SS18L1: variants seen among roughly 807,000 people sequenced by gnomAD.
SS18L1 encodes SS18L1 subunit of BAF chromatin remodeling complex.
A neutral mutation model predicts 70.3 loss-of-function variants in SS18L1; 32 were observed. That is an observed-to-expected ratio of 0.46 (90% CI 0.34 to 0.61). The LOEUF is 0.61. Among genes scored for constraint, SS18L1 ranks in the 20% least tolerant of loss-of-function variants. SS18L1 has a pLI of 0.01. For synonymous variants in SS18L1, 237 were observed against 229.7 expected, an observed-to-expected ratio of 1.03 and a Z score of -0.29; for missense variants, 430 against 542.1, an observed-to-expected ratio of 0.79 and a Z score of 2.05.
chr20:62,157,549 T>G (rs2057245861), intron 1 of SS18L1, among the ~76,000 whole-genome samples: 1 of 152,170 alleles, frequency 6.6e-6, no homozygotes, highest in Non-Finnish European at 1.5e-5. Context: ...GCCTCCATTT[T>G]GCCAGTTCTA....
rs1202428861 is a variant in SS18L1 at position 62,165,561 on chromosome 20, C to A, written c.916+47C>A. The A allele has an allele frequency of 1.9e-6, 3 of 1,560,544 alleles. No homozygotes were observed. The South Asian group carries it at 3.4e-5, about 18-fold the overall frequency. On this transcript the variant is annotated intron_variant, in intron 8 of 10. Coordinates refer to ENST00000331758, the MANE Select transcript of SS18L1 (RefSeq NM_198935.3). ...TGGGCTCGAGCGTAAGCGCCACACG[C>A]AGCAGAGTTAAGACGCTGCACCCTT... is the stretch of plus-strand genomic sequence containing the variant.
In SS18L1 at chr20:62,154,916, A is replaced by C. The variant is rs201247792; in HGVS notation, c.70-3756A>C. The stretch of plus-strand genomic sequence containing the variant: ...CGGTCGATCCGTCCTGCTTTCCAGG[A>C]CTCCTCCTCAACTTCATATCCCGCC... On this transcript the variant is annotated intron_variant, in intron 1 of 10. Transcript: ENST00000331758. Among the ~76,000 whole-genome samples the C allele has an allele frequency of 2.0e-5, 3 of 151,118 alleles. No individual in the cohort carries two copies. The East Asian group carries it at 5.8e-4, about 29-fold the overall frequency.
Position 62,161,660 on chromosome 20 carries a change from G to A in SS18L1, c.376+80G>A. The A allele has an allele frequency of 6.5e-7, 1 of 1,531,380 alleles. No individual in the cohort carries two copies. Among genetic ancestry groups the A allele is most frequent in the East Asian group, 2.3e-5 (1 of 42,800 alleles). The allele number at this position is 1,531,380 out of a possible 1,614,324, so 94.9% of individuals were successfully genotyped here. A position where few individuals can be genotyped will look rare whatever the true frequency, so the allele number is the denominator to read the frequency against. On this transcript the variant is annotated intron_variant, in intron 4 of 10. Transcript: ENST00000331758. The surrounding 1 kb of genome is among the most constrained non-coding windows in gnomAD (Gnocchi z 4.4). ...CTTGGGCAGCCGGCTGCCATGGTGG[G>A]GCACCCCACCCCTCACAGGGCTGGG...
chr20:62,154,761 A>G (rs201867355), intron 1 of SS18L1, among the ~76,000 whole-genome samples: 39 of 152,256 alleles, frequency 2.6e-4, no homozygotes, highest in African/African-American at 9.4e-4. Flanking sequence ...CCAATGGGGA[A>G]ATGCGTCCTT....
intron 1 of SS18L1, among the ~76,000 whole-genome samples, chr20:62,147,065 G>C (rs1318846065): frequency 6.6e-6 from 1 of 152,218 alleles, no homozygotes; most frequent in African/African-American, 2.4e-5. Flanking sequence ...TCTGGGTACA[G>C]TTTAGCCCAC....
intron 1 of SS18L1, among the ~76,000 whole-genome samples, chr20:62,156,547 A>G (rs1225938796): frequency 6.6e-6 from 1 of 152,170 alleles, no homozygotes; most frequent in East Asian, 1.9e-4. Flanking sequence ...AGCAGGAGAA[A>G]CCAACCCTGA....
At position 62,159,032 on chromosome 20, in the gene SS18L1, C is replaced by T; in HGVS notation, c.146+284C>T. On this transcript the variant is annotated intron_variant, in intron 2 of 10. Coordinates refer to ENST00000331758, the MANE Select transcript of SS18L1 (RefSeq NM_198935.3). The surrounding 1 kb of genome is among the most constrained non-coding windows in gnomAD (Gnocchi z 4.4). ...GGAGGCCAGATATGTCCCGAGAGTC[C>T]CCCAGCACGGAGGCCAGATATGTCC... 5 of 1,484,174 alleles carry T rather than the reference C, an allele frequency of 3.4e-6. No individual in the cohort carries two copies. In the South Asian group the frequency reaches 5.6e-5, roughly 17 times the overall value. The allele number at this position is 1,484,174 out of a possible 1,614,324, so 91.9% of individuals were successfully genotyped here. A position where few individuals can be genotyped will look rare whatever the true frequency, so the allele number is the denominator to read the frequency against.
intron 1 of SS18L1, among the ~76,000 whole-genome samples, chr20:62,150,633 A>AATTTTTTTTTTTTTTTTTTTTTTT (rs1199902967): frequency 1.7e-5 from 1 of 58,030 alleles, no homozygotes; most frequent in Non-Finnish European, 3.5e-5. Flanking sequence ...ATTGAGGTGG[A>AATTTTTTTTTTTTTTTTTTTTTTT]TTTTTTTTTT....
At chr20:62,172,030 C>T (rs535546586) in intron 8 of SS18L1, among the ~76,000 whole-genome samples, 3 of 152,086 alleles carry the variant, frequency 2.0e-5, no homozygotes, top group Non-Finnish European at 4.4e-5. Context: ...GGCGTTGTGG[C>T]GGGCACCTGT....
At position 62,158,983 on chromosome 20, in the gene SS18L1, T is replaced by C. The variant is rs753286177; in HGVS notation, c.146+235T>C. ...AGAGTCCCCCAGCACGGAGGCCAGA[T>C]ATGTCCCGAGAGTCCCCCAGCACGG... On this transcript the variant is annotated intron_variant, in intron 2 of 10. Coordinates refer to ENST00000331758, the MANE Select transcript of SS18L1 (RefSeq NM_198935.3). This position sits in a 1 kb window ranked among gnomAD's most constrained non-coding sequence, Gnocchi z 4.5. 11 of 1,542,486 alleles carry C rather than the reference T, an allele frequency of 7.1e-6. No homozygotes were observed. Among genetic ancestry groups the C allele is most frequent in the Middle Eastern group, 2.1e-4 (1 of 4,752 alleles).
intron 10 of SS18L1, among the ~76,000 whole-genome samples, chr20:62,178,617 G>A (rs972617449): frequency 6.6e-6 from 1 of 151,910 alleles, no homozygotes; most frequent in African/African-American, 2.4e-5. Context: ...GTGCAATCAC[G>A]GCTCACTGCA....
chr20:62,146,669 G>A (rs1175540187), intron 1 of SS18L1, among the ~76,000 whole-genome samples: 4 of 143,354 alleles, frequency 2.8e-5, no homozygotes, highest in Non-Finnish European at 6.0e-5. Context: ...GAGTGCAGTG[G>A]CGCGATCTCG....
At position 62,146,605 on chromosome 20, in the gene SS18L1, A is replaced by ATTTTTTTTTTTTTTTTTTTTTTTTTTT. The variant is rs10673768; in HGVS notation, c.69+2737_69+2738insTTTTTTTTTTTTTTTTTTTTTTTTTTT. ...CATCCAGCGTGTCTCTGCTTTGATC[A>ATTTTTTTTTTTTTTTTTTTTTTTTTTT]TTTTTTTTTTTTTTTTTTTTTGAGA... On this transcript the variant is annotated intron_variant, in intron 1 of 10. Coordinates refer to ENST00000331758, the MANE Select transcript of SS18L1 (RefSeq NM_198935.3). 5.0e-5 allele frequency among the ~76,000 whole-genome samples: 4 copies of ATTTTTTTTTTTTTTTTTTTTTTTTTTT among 79,722 alleles called. 1 individual carries two copies. The highest frequency in any genetic ancestry group is 1.0e-4 in the African/African-American group (2 of 19,194). The allele number at this position is 79,722 out of a possible 152,430, so 52.3% of individuals were successfully genotyped here. A position where few individuals can be genotyped will look rare whatever the true frequency, so the allele number is the denominator to read the frequency against.
chr20:62,155,651 A>G lies in SS18L1; in HGVS notation c.70-3021A>G, dbSNP rs374393619. Among the ~76,000 whole-genome samples, 6 of 152,070 alleles carry G rather than the reference A, an allele frequency of 3.9e-5. No individual in the cohort carries two copies. The East Asian group carries it at 9.6e-4, about 24-fold the overall frequency. On this transcript the variant is annotated intron_variant, in intron 1 of 10. Transcript: ENST00000331758. Reference sequence around the variant, plus strand: ...CAAGCATCTTTCCTCCAGGCTGGTCACTTTCCTGGAGACGCCCCCTCCTCC... The same window carrying G: ...CAAGCATCTTTCCTCCAGGCTGGTCGCTTTCCTGGAGACGCCCCCTCCTCC...
At position 62,181,233 on chromosome 20, in the gene SS18L1, G is replaced by T. The variant is rs112198604; in HGVS notation, c.*2025G>T. 6 of 203,186 alleles carry T rather than the reference G, an allele frequency of 3.0e-5. No homozygotes were observed. Among genetic ancestry groups the T allele is most frequent in the Non-Finnish European group, 1.0e-5 (1 of 98,894 alleles). The allele number at this position is 203,186 out of a possible 1,614,324, so 12.6% of individuals were successfully genotyped here. A position where few individuals can be genotyped will look rare whatever the true frequency, so the allele number is the denominator to read the frequency against. On this transcript the variant is annotated 3_prime_UTR_variant, in exon 11 of 11. Transcript: ENST00000331758. ...CACTGGTAAGGGCTCAAAAATAAAC[G>T]TATGTGTTCATATTCGATCACCGAA...
At chr20:62,160,488 G>A (rs2057309568) in intron 3 of SS18L1, among the ~76,000 whole-genome samples, 1 of 152,184 alleles carries the variant, frequency 6.6e-6, no homozygotes, top group African/African-American at 2.4e-5. Flanking sequence ...ATGCGCTGCT[G>A]TGGGTGAGAA....
intron 8 of SS18L1, among the ~76,000 whole-genome samples, chr20:62,168,647 C>T (rs1370383078): frequency 2.0e-5 from 3 of 151,962 alleles, no homozygotes; most frequent in African/African-American, 7.3e-5. Context: ...AGTAAGACCC[C>T]CTCTCTACTA....
In SS18L1 at chr20:62,174,894, T is replaced by G. The variant is rs973757856; in HGVS notation, c.1164+250T>G. The G allele has an allele frequency of 1.0e-6, 1 of 985,496 alleles. No individual in the cohort carries two copies. Among genetic ancestry groups the G allele is most frequent in the African/African-American group, 1.7e-5 (1 of 57,380 alleles). 61.0% of individuals were successfully genotyped at this position (985,496 alleles called of 1,614,324 possible). A position where few individuals can be genotyped will look rare whatever the true frequency, so the allele number is the denominator to read the frequency against. Reference sequence around the variant, plus strand: ...AGATCTGCACGCCTGGTTCTCACATTCATTCACTCTGCCAGTGTTTGTCAC... The same window carrying G: ...AGATCTGCACGCCTGGTTCTCACATGCATTCACTCTGCCAGTGTTTGTCAC... On this transcript the variant is annotated intron_variant, in intron 10 of 10. Transcript: ENST00000331758. This position sits in a 1 kb window ranked among gnomAD's most constrained non-coding sequence, Gnocchi z 4.1.
chr20:62,175,904 G>T (rs1409425990), intron 10 of SS18L1, among the ~76,000 whole-genome samples: 3 of 151,330 alleles, frequency 2.0e-5, no homozygotes, highest in African/African-American at 7.3e-5. Flanking sequence ...GGAGGGCTCT[G>T]GTGTGCTCTC....
Sources: allele counts gnomAD v4.1 joint callset (sites outside exome capture counted in the v4.1 genomes callset), GRCh38; gene constraint gnomAD v4.1.1; non-coding constraint Gnocchi (gnomAD v3.1); transcripts MANE v1.5; gene names NCBI Gene and HGNC (gene_info 2026-07-23, HGNC 2026-07-21).